Variants in SPAG16 observed in about 807,000 individuals in gnomAD.
The protein encoded by SPAG16 is sperm associated antigen 16.
SPAG16 carries 86 observed loss-of-function variants against 80.4 expected under a neutral mutation model. The observed-to-expected ratio is 1.07, with a 90% CI of 0.90 to 1.28. The LOEUF (loss-of-function observed/expected upper bound fraction) is 1.28, where lower values mean the gene tolerates loss of function less well. Among genes scored for constraint, SPAG16 ranks in the 50% most tolerant of loss-of-function variants. The probability of loss-of-function intolerance (pLI) is 0.00; values close to 1 mark genes in which losing one functional copy is unlikely to be tolerated. For missense variants in SPAG16, 870 were observed against 765.3 expected (o/e 1.14, Z -1.61); for synonymous variants, 294 against 265.9 (o/e 1.11, Z -1.03).
At chr2:213,778,153 A>G (rs1282824076) in intron 10 of SPAG16, among the ~76,000 whole-genome samples, 4 of 152,040 alleles carry the variant, frequency 2.6e-5, no homozygotes, top group Non-Finnish European at 4.4e-5. Context: ...CTGATACTAG[A>G]TGAGAATTAG....
At chr2:214,006,727 A>G (rs568664830) in intron 12 of SPAG16, among the ~76,000 whole-genome samples, 5 of 152,336 alleles carry the variant, frequency 3.3e-5, no homozygotes, top group South Asian at 2.1e-4. Flanking sequence ...GAAATTCTGA[A>G]TGGGCCTTCC....
At chr2:213,826,190 C>T (rs775602206) in intron 10 of SPAG16, among the ~76,000 whole-genome samples, 19 of 151,652 alleles carry the variant, frequency 1.3e-4, no homozygotes, top group Non-Finnish European at 2.1e-4. Context: ...GTTTATCTTT[C>T]AAAAACCAAC....
Position 214,040,899 on chromosome 2 carries a change from G to A in SPAG16, c.1527+26822G>A, listed in dbSNP as rs190634410. ...TCAGGACTTCTTTTATTTCTGAAAGGCTATTTGAATTGTCCTTTAAAAATT... is the reference window on the plus strand; with the variant it reads ...TCAGGACTTCTTTTATTTCTGAAAGACTATTTGAATTGTCCTTTAAAAATT... On this transcript the variant is annotated intron_variant, in intron 13 of 15. Transcript: ENST00000331683. Among the ~76,000 whole-genome samples, 692 of 151,974 alleles carry A rather than the reference G, an allele frequency of 4.6e-3. 4 individuals are homozygous for A. The highest frequency in any genetic ancestry group is 0.01 in the Middle Eastern group (3 of 294).
intron 15 of SPAG16, among the ~76,000 whole-genome samples, chr2:214,359,912 T>C (rs1206899934): frequency 6.6e-6 from 1 of 151,862 alleles, no homozygotes; most frequent in East Asian, 1.9e-4. Context: ...TTTGACTTGG[T>C]TACAGTCCCT....
intron 10 of SPAG16, among the ~76,000 whole-genome samples, chr2:213,747,496 G>T (rs1453822104): frequency 2.6e-5 from 4 of 152,082 alleles, no homozygotes; most frequent in Non-Finnish European, 4.4e-5. Context: ...AGTCCTGTAG[G>T]CACCATTCAT....
intron 10 of SPAG16, among the ~76,000 whole-genome samples, chr2:213,794,770 A>C (rs572053317): frequency 6.6e-6 from 1 of 152,146 alleles, no homozygotes; most frequent in Non-Finnish European, 1.5e-5. Context: ...TATGCCCTGC[A>C]TCCAGCAAAT....
At position 214,288,942 on chromosome 2, in the gene SPAG16, G is replaced by T. The variant is rs140325283; in HGVS notation, c.1721-121198G>T. 6.3e-3 allele frequency among the ~76,000 whole-genome samples: 960 copies of T among 152,056 alleles called. 6 individuals carry two copies. The highest frequency in any genetic ancestry group is 0.022 in the African/African-American group (899 of 41,482). ...TGCCATCACGCCCGGCTAATATTTTGAATTTTTAGTAGAGACGGGGTTTCA... is the reference window on the plus strand; with the variant it reads ...TGCCATCACGCCCGGCTAATATTTTTAATTTTTAGTAGAGACGGGGTTTCA... On this transcript the variant is annotated intron_variant, in intron 15 of 15. Coordinates refer to ENST00000331683, the MANE Select transcript of SPAG16 (RefSeq NM_024532.5).
At chr2:213,929,917 GT>G in intron 11 of SPAG16, 42 bp from the exon 12 acceptor site, 1 of 1,557,736 alleles carries the variant, frequency 6.4e-7, no homozygotes, top group South Asian at 1.2e-5. Flanking sequence ...TAAAAATTAT[GT>G]TACTTTTTAA....
intron 10 of SPAG16, among the ~76,000 whole-genome samples, chr2:213,552,053 G>A (rs114864999): frequency 0.019 from 2,927 of 152,214 alleles, 78 homozygotes; most frequent in African/African-American, 0.056. Context: ...CATATCAGTT[G>A]TTTGTAAGAA....
At chr2:214,112,802 G>A (rs1379990047) in intron 14 of SPAG16, among the ~76,000 whole-genome samples, 1 of 151,820 alleles carries the variant, frequency 6.6e-6, no homozygotes, top group East Asian at 1.9e-4. Context: ...CTTTTAATTG[G>A]GGCATATGGC....
At chr2:214,042,051 C>A (rs960417407) in intron 13 of SPAG16, among the ~76,000 whole-genome samples, 4 of 137,042 alleles carry the variant, frequency 2.9e-5, no homozygotes, top group African/African-American at 1.1e-4. Flanking sequence ...ATAAGTGTAC[C>A]AAAACCTATC....
chr2:213,652,456 A>G (rs1210790511), intron 10 of SPAG16, among the ~76,000 whole-genome samples: 1 of 152,168 alleles, frequency 6.6e-6, no homozygotes, highest in African/African-American at 2.4e-5. Flanking sequence ...ACACACATAC[A>G]CATACATGCA....
chr2:213,753,138 G>A (rs1474209685), intron 10 of SPAG16, among the ~76,000 whole-genome samples: 3 of 151,976 alleles, frequency 2.0e-5, no homozygotes, highest in Admixed American at 1.3e-4. Flanking sequence ...TCAGCCTCCC[G>A]AGTAGCTGGG....
At chr2:213,578,556 G>C (rs528706837) in intron 10 of SPAG16, among the ~76,000 whole-genome samples, 11 of 152,072 alleles carry the variant, frequency 7.2e-5, no homozygotes, top group African/African-American at 1.9e-4. Context: ...CTTATTTTAT[G>C]AACTACAAAT....
chr2:214,070,039 A>G (rs2050715219), intron 13 of SPAG16, among the ~76,000 whole-genome samples: 1 of 148,644 alleles, frequency 6.7e-6, no homozygotes, highest in Non-Finnish European at 1.5e-5. Context: ...TCTCTTTTTT[A>G]ATTGCCTATT....
At chr2:213,428,496 G>A (rs906137101) in intron 9 of SPAG16, among the ~76,000 whole-genome samples, 3 of 152,136 alleles carry the variant, frequency 2.0e-5, no homozygotes, top group Non-Finnish European at 4.4e-5. Flanking sequence ...GCAGACTTGG[G>A]CATTAAAGGA....
At chr2:214,395,571 G>A (rs1312574353) in intron 15 of SPAG16, among the ~76,000 whole-genome samples, 1 of 152,100 alleles carries the variant, frequency 6.6e-6, no homozygotes, top group Non-Finnish European at 1.5e-5. Context: ...GCAGATTTGT[G>A]ATATAGGTAA....
At chr2:214,322,523 G>C (rs932645994) in intron 15 of SPAG16, among the ~76,000 whole-genome samples, 1 of 132,756 alleles carries the variant, frequency 7.5e-6, no homozygotes, top group Non-Finnish European at 1.7e-5. Flanking sequence ...AAAAAAAAAG[G>C]CATCAGAAAA....
chr2:214,128,463 C>A (rs1360145540), intron 14 of SPAG16, among the ~76,000 whole-genome samples: 1 of 151,866 alleles, frequency 6.6e-6, no homozygotes, highest in African/African-American at 2.4e-5. Context: ...CCACAACCTT[C>A]TCCACTGTCC....
Sources: gnomAD v4.1 joint callset for allele counts (sites outside exome capture counted in the v4.1 genomes callset) on GRCh38, gnomAD v4.1.1 for gene constraint, MANE v1.5 for transcripts, NCBI Gene and HGNC (gene_info 2026-07-23, HGNC 2026-07-21) for gene names.